KIF2C: variants seen among roughly 807,000 people sequenced by gnomAD.
KIF2C encodes kinesin-like protein KIF2C.
Under a neutral mutation model 97.4 loss-of-function variants are expected in KIF2C, and 34 were observed. The observed-to-expected ratio is 0.35, with a 90% CI of 0.27 to 0.46. The LOEUF (loss-of-function observed/expected upper bound fraction) is 0.46. Among genes scored for constraint, KIF2C ranks in the 20% least tolerant of loss-of-function variants. The pLI, the probability that KIF2C is intolerant of heterozygous loss-of-function variation, is 1.00. For synonymous variants in KIF2C, 313 were observed against 318.2 expected (o/e 0.98, Z 0.17); for missense variants, 750 against 907.6 (o/e 0.83, Z 2.23).
At chr1:44,747,080 G>T (rs1046574822) in intron 2 of KIF2C, among the ~76,000 whole-genome samples, 1 of 151,956 alleles carries the variant, frequency 6.6e-6, no homozygotes, top group African/African-American at 2.4e-5. Flanking sequence ...GGCCGAGGTG[G>T]GGAGATCACC....
At chr1:44,762,070 C>T in intron 17 of KIF2C, 87 bp downstream of exon 17, 2 of 1,209,488 alleles carry the variant, frequency 1.7e-6, no homozygotes, top group Non-Finnish European at 2.5e-6. Flanking sequence ...TCTGGGGCCT[C>T]AGGGCCTACT....
chr1:44,753,958 C>CTTTTTTT lies in KIF2C; in HGVS notation c.663+146_663+152dup, dbSNP rs34685023. ...GGCTCCAGTTCTTGAGGCCCCAATT[C>CTTTTTTT]TTTTTTTTTTTTTTTTTTTTTTTTT... is the stretch of plus-strand genomic sequence containing the variant. On this transcript the variant is annotated intron_variant, in intron 7 of 20. Coordinates refer to ENST00000372224, the MANE Select transcript of KIF2C (RefSeq NM_006845.4). 151 of 67,898 alleles carry CTTTTTTT rather than the reference C, an allele frequency of 2.2e-3. 23 individuals are homozygous for CTTTTTTT. The highest frequency in any genetic ancestry group is 0.011 in the Admixed American group (48 of 4,354). 4.2% of individuals were successfully genotyped at this position (67,898 alleles called of 1,614,324 possible).
intron 19 of KIF2C, among the ~76,000 whole-genome samples, chr1:44,765,402 T>C (rs1376295418): frequency 6.6e-6 from 1 of 152,206 alleles, no homozygotes; most frequent in African/African-American, 2.4e-5. Context: ...AGTTCATGTA[T>C]ACATATGTAA....
chr1:44,759,768 C>T (rs1185819284), intron 14 of KIF2C, among the ~76,000 whole-genome samples: 2 of 152,216 alleles, frequency 1.3e-5, no homozygotes, highest in Non-Finnish European at 2.9e-5. Flanking sequence ...CCTTGCTCTT[C>T]CCTCCCTTTG....
Position 44,762,556 on chromosome 1 carries a change from A to G in KIF2C, c.1869A>G (p.Glu623=), listed in dbSNP as rs200847292. The G allele has an allele frequency of 6.6e-5, 106 of 1,614,004 alleles. No individual in the cohort carries two copies. The highest frequency in any genetic ancestry group is 8.9e-5 in the Non-Finnish European group (105 of 1,179,852). The change falls in exon 19 of 21, where the codon GAA becomes GAG. Residue 623 remains glutamate (E), a synonymous_variant. Coordinates refer to ENST00000372224, the MANE Select transcript of KIF2C (RefSeq NM_006845.4). ...GALIPGNLSK[E]EEELSSQMSS... is the part of the protein sequence containing the mutation. ...TTTGGCCCTCTCAGTTATCCAAGGAAGAGGAGGAACTGTCTTCCCAGATGT... is the reference window on the plus strand; with the variant it reads ...TTTGGCCCTCTCAGTTATCCAAGGAGGAGGAGGAACTGTCTTCCCAGATGT...
At chr1:44,765,763 A>C (rs1650427226) in intron 19 of KIF2C, among the ~76,000 whole-genome samples, 1 of 152,136 alleles carries the variant, frequency 6.6e-6, no homozygotes, top group Non-Finnish European at 1.5e-5. Flanking sequence ...TTTAAAAAGA[A>C]TCATTTGACC....
chr1:44,753,573 A>C (rs1364244973), intron 6 of KIF2C, among the ~76,000 whole-genome samples, 160 bp from the exon 7 acceptor site: 4 of 152,078 alleles, frequency 2.6e-5, no homozygotes, highest in Admixed American at 6.5e-5. Context: ...CACATCTATT[A>C]CTTCTTTTTG....
intron 7 of KIF2C, 122 bp downstream of exon 7, chr1:44,753,955 A>ATTATTTTTT: frequency 5.2e-6 from 1 of 192,992 alleles, no homozygotes; most frequent in Non-Finnish European, 8.9e-6. Context: ...TGAGGCCCCA[A>ATTATTTTTT]TTCTTTTTTT....
intron 4 of KIF2C, among the ~76,000 whole-genome samples, chr1:44,748,603 T>C (rs114791063): frequency 0.035 from 5,256 of 152,248 alleles, 319 homozygotes; most frequent in African/African-American, 0.12. Flanking sequence ...TACCATGATA[T>C]GATCGTAGCT....
Position 44,761,565 on chromosome 1 carries a change from A to G in KIF2C, c.1684-351A>G, listed in dbSNP as rs573552009. On this transcript the variant is annotated intron_variant, in intron 16 of 20. Transcript: ENST00000372224. ...AGAGCTTGCAGTGAGCTGAGATCGCACCACTGCACTCTGGTCTGGGCGACA... is the reference window on the plus strand; with the variant it reads ...AGAGCTTGCAGTGAGCTGAGATCGCGCCACTGCACTCTGGTCTGGGCGACA... Among the ~76,000 whole-genome samples, 18 of 151,794 alleles carry G rather than the reference A, an allele frequency of 1.2e-4. No homozygotes were observed. In the Middle Eastern group the frequency reaches 0.01, roughly 86 times the overall value.
At chr1:44,765,918 G>A (rs1409951308) in intron 19 of KIF2C, among the ~76,000 whole-genome samples, 1 of 152,208 alleles carries the variant, frequency 6.6e-6, no homozygotes, top group Non-Finnish European at 1.5e-5. Context: ...CAGGCATGGT[G>A]GCAGGCACCT....
intron 5 of KIF2C, among the ~76,000 whole-genome samples, chr1:44,751,551 C>T (rs1649516711): frequency 6.7e-6 from 1 of 149,490 alleles, no homozygotes; most frequent in Admixed American, 6.7e-5. Context: ...TCTTGTTGCC[C>T]AGGCTGGAGG....
At chr1:44,761,660 C>T (rs895291273) in intron 16 of KIF2C, among the ~76,000 whole-genome samples, 3 of 151,958 alleles carry the variant, frequency 2.0e-5, no homozygotes, top group Non-Finnish European at 4.4e-5. Context: ...AAGACTGTCT[C>T]AGTGAAGGAA....
chr1:44,747,587 G>A, intron 3 of KIF2C, 65 bp from the exon 4 acceptor site: 5 of 1,581,132 alleles, frequency 3.2e-6, no homozygotes, highest in Non-Finnish European at 4.3e-6. Context: ...TAGTACATGG[G>A]CCCAGGATGG....
At position 44,739,886 on chromosome 1, in the gene KIF2C, T is replaced by G; in HGVS notation, c.-47T>G. 3.5e-5 allele frequency: 55 copies of G among 1,550,272 alleles called. No homozygotes were observed. Among genetic ancestry groups the G allele is most frequent in the Non-Finnish European group, 4.4e-5 (49 of 1,121,962 alleles). ...TAAGACTTCGTAGGGTTAGCGAAAT[T>G]GAGGTTTCTTGGTATTGCGCGTTTC... is the stretch of plus-strand genomic sequence containing the variant. On this transcript the variant is annotated 5_prime_UTR_variant, in exon 1 of 21. It adds an upstream start codon to the 5' untranslated region. Transcript: ENST00000372224.
In KIF2C at chr1:44,741,774, G is replaced by A. The variant is rs563766530; in HGVS notation, c.165+767G>A. Among the ~76,000 whole-genome samples the A allele has an allele frequency of 3.9e-5, 6 of 151,940 alleles. No individual in the cohort carries two copies. The South Asian group carries it at 1.2e-3, about 32-fold the overall frequency. On this transcript the variant is annotated intron_variant, in intron 2 of 20. Transcript: ENST00000372224. ...GAGGCCGAGGTGGGCAGATCGCTTTGAGCTCAGCAGTTCAAGACCAGGCTG... is the reference window on the plus strand; with the variant it reads ...GAGGCCGAGGTGGGCAGATCGCTTTAAGCTCAGCAGTTCAAGACCAGGCTG...
chr1:44,766,800 C>CT lies in KIF2C; in HGVS notation c.1972-25dup, dbSNP rs771965519. 4.3e-6 allele frequency: 7 copies of CT among 1,612,196 alleles called. No individual in the cohort carries two copies. The South Asian group carries it at 7.7e-5, about 18-fold the overall frequency. ...AATGATTTGCTAAATGGTTATTGAACTGACAAGGTCCTCCCTGTGTTGTAG... is the reference window on the plus strand; with the variant it reads ...AATGATTTGCTAAATGGTTATTGAACTTGACAAGGTCCTCCCTGTGTTGTAG... On this transcript the variant is annotated intron_variant, in intron 19 of 20. Coordinates refer to ENST00000372224, the MANE Select transcript of KIF2C (RefSeq NM_006845.4).
In KIF2C at chr1:44,767,437, C is replaced by A. The variant is rs954642248; in HGVS notation, c.*258C>A. ...TTACCCTTTTGTGTTGCCCTTCTTT[C>A]CATCAAGGGGAATGTTCTCAGCATA... On this transcript the variant is annotated 3_prime_UTR_variant, in exon 21 of 21. Coordinates refer to ENST00000372224, the MANE Select transcript of KIF2C (RefSeq NM_006845.4). 4 of 399,818 alleles carry A rather than the reference C, an allele frequency of 1.0e-5. No homozygotes were observed. Among genetic ancestry groups the A allele is most frequent in the African/African-American group, 6.2e-5 (3 of 48,726 alleles). 24.8% of individuals were successfully genotyped at this position (399,818 alleles called of 1,614,324 possible). A position where few individuals can be genotyped will look rare whatever the true frequency, so the allele number is the denominator to read the frequency against.
intron 19 of KIF2C, among the ~76,000 whole-genome samples, chr1:44,764,145 ACAAGGTAC>A (rs1650316296): frequency 6.6e-6 from 1 of 152,112 alleles, no homozygotes; most frequent in South Asian, 2.1e-4. Context: ...TGAAAATCTT[ACAAGGTAC>A]CCCCCAAAAT....
Sources: gnomAD v4.1 joint callset for allele counts (sites outside exome capture counted in the v4.1 genomes callset) on GRCh38, gnomAD v4.1.1 for gene constraint, MANE v1.5 for transcripts, NCBI Gene and HGNC (gene_info 2026-07-23, HGNC 2026-07-21) for gene names.